Variants in KIAA1328 observed in about 807,000 individuals in gnomAD.
KIAA1328 encodes the protein protein hinderin.
Under a neutral mutation model 68.1 loss-of-function variants are expected in KIAA1328, and 52 were observed. The observed-to-expected ratio is 0.76, with a 90% confidence interval of 0.61 to 0.96. The LOEUF (loss-of-function observed/expected upper bound fraction) is 0.96, where lower values mean the gene tolerates loss of function less well. Among genes scored for constraint, KIAA1328 ranks in the 40% least tolerant of loss-of-function variants. KIAA1328 has a pLI of 0.00. For synonymous variants in KIAA1328, 232 were observed against 239.4 expected (o/e 0.97, Z 0.28); for missense variants, 641 against 677.6 (o/e 0.95, Z 0.60).
At chr18:36,979,209 GA>G (rs765282919) in intron 6 of KIAA1328, among the ~76,000 whole-genome samples, 1 of 28,544 alleles carries the variant, frequency 3.5e-5, no homozygotes, top group Non-Finnish European at 1.4e-4. Flanking sequence ...AAAATAAAAA[GA>G]AAGAAGGTTA....
intron 6 of KIAA1328, among the ~76,000 whole-genome samples, chr18:36,975,864 C>T (rs925866686): frequency 5.9e-5 from 9 of 152,096 alleles, no homozygotes; most frequent in Non-Finnish European, 1.3e-4. Flanking sequence ...TATTTTTCCT[C>T]CTCTATAGTT....
chr18:37,046,416 T>C (rs1326477570), intron 6 of KIAA1328, among the ~76,000 whole-genome samples: 2 of 152,198 alleles, frequency 1.3e-5, no homozygotes, highest in Non-Finnish European at 2.9e-5. Flanking sequence ...GGTTCTCTCT[T>C]TCTTGGTAAG....
intron 5 of KIAA1328, among the ~76,000 whole-genome samples, chr18:36,904,516 A>G (rs986780297): frequency 1.3e-5 from 2 of 152,118 alleles, no homozygotes; most frequent in Non-Finnish European, 2.9e-5. Context: ...CCTAAAATCT[A>G]CATTACCTAA....
chr18:36,851,464 C>T (rs984022451), intron 4 of KIAA1328, among the ~76,000 whole-genome samples: 4 of 151,230 alleles, frequency 2.6e-5, no homozygotes, highest in Admixed American at 2.0e-4. Flanking sequence ...ATTTTGATTA[C>T]TGATTCAATC....
At chr18:37,004,781 C>G (rs1177300686) in intron 6 of KIAA1328, among the ~76,000 whole-genome samples, 1 of 152,052 alleles carries the variant, frequency 6.6e-6, no homozygotes, top group African/African-American at 2.4e-5. Context: ...AGTCATTATA[C>G]AAAAAAGATA....
chr18:36,958,511 T>C (rs1043329262), intron 5 of KIAA1328, among the ~76,000 whole-genome samples: 1 of 152,162 alleles, frequency 6.6e-6, no homozygotes, highest in African/African-American at 2.4e-5. Flanking sequence ...CAGTGCTTGT[T>C]TGTCTTTTTG....
At position 37,172,954 on chromosome 18, in the gene KIAA1328, T is replaced by C; in HGVS notation, c.1415-19T>C. ...TCTTTTACTGAATGCCCAAATTATT[T>C]TCTTTATTTTTCATATAGGGACAGT... On this transcript the variant is annotated intron_variant, in intron 8 of 9. Coordinates refer to ENST00000280020, the MANE Select transcript of KIAA1328 (RefSeq NM_020776.3). 6.4e-7 allele frequency: 1 copy of C among 1,565,428 alleles called. No individual in the cohort carries two copies. Among genetic ancestry groups the C allele is most frequent in the Non-Finnish European group, 8.7e-7 (1 of 1,146,192 alleles).
intron 7 of KIAA1328, among the ~76,000 whole-genome samples, chr18:37,092,827 G>C (rs551352314): frequency 6.6e-6 from 1 of 152,268 alleles, no homozygotes; most frequent in South Asian, 2.1e-4. Flanking sequence ...GGACCTGTCT[G>C]CCTGCCCAAA....
chr18:37,084,434 G>C lies in KIAA1328; in HGVS notation c.1232+16889G>C, dbSNP rs528345058. 9 of 284,234 alleles carry C rather than the reference G, an allele frequency of 3.2e-5. No individual in the cohort carries two copies. The East Asian group carries it at 5.1e-4, about 16-fold the overall frequency. 17.6% of individuals were successfully genotyped at this position (284,234 alleles called of 1,614,324 possible). A position where few individuals can be genotyped will look rare whatever the true frequency, so the allele number is the denominator to read the frequency against. On this transcript the variant is annotated intron_variant, in intron 7 of 9. Transcript: ENST00000280020. The stretch of plus-strand genomic sequence containing the variant: ...CATTCATAATCCTACAACTTTGAGA[G>C]AATCTTTTGAGCCCTTTTCTACTAT...
chr18:36,941,993 A>G (rs1357744315), intron 5 of KIAA1328, among the ~76,000 whole-genome samples: 1 of 152,252 alleles, frequency 6.6e-6, no homozygotes, highest in African/African-American at 2.4e-5. Flanking sequence ...AAATTCATAA[A>G]TACTACAATA....
At chr18:37,037,170 TA>T (rs1213110235) in intron 6 of KIAA1328, among the ~76,000 whole-genome samples, 1 of 151,884 alleles carries the variant, frequency 6.6e-6, no homozygotes, top group Non-Finnish European at 1.5e-5. Flanking sequence ...GGGATTTGTA[TA>T]AAAAAATCTT....
chr18:37,071,303 G>A (rs2056524833), intron 7 of KIAA1328, among the ~76,000 whole-genome samples: 1 of 151,664 alleles, frequency 6.6e-6, no homozygotes, highest in Non-Finnish European at 1.5e-5. Flanking sequence ...GAGCTCCTGG[G>A]CTCAAGCAAT....
At chr18:37,101,442 T>TG (rs1568406871) in intron 7 of KIAA1328, among the ~76,000 whole-genome samples, 1 of 151,928 alleles carries the variant, frequency 6.6e-6, no homozygotes, top group Non-Finnish European at 1.5e-5. Context: ...ATGAATGAAA[T>TG]GAAGCGAGAA....
intron 4 of KIAA1328, among the ~76,000 whole-genome samples, chr18:36,871,371 T>TATCA (rs1216928059): frequency 6.6e-6 from 1 of 152,190 alleles, no homozygotes; most frequent in Admixed American, 6.5e-5. Context: ...CAATAGGTCA[T>TATCA]ATCAGGGGCT....
intron 5 of KIAA1328, among the ~76,000 whole-genome samples, chr18:36,953,322 A>G (rs2051244232): frequency 6.8e-6 from 1 of 147,596 alleles, no homozygotes; most frequent in East Asian, 2.0e-4. Flanking sequence ...TTTATATTAT[A>G]TAAAAATACA....
chr18:36,880,820 A>G (rs922070974), intron 4 of KIAA1328, among the ~76,000 whole-genome samples: 12 of 152,148 alleles, frequency 7.9e-5, no homozygotes, highest in African/African-American at 2.9e-4. Flanking sequence ...CTTTTCTGCT[A>G]TTATAGATGA....
intron 6 of KIAA1328, among the ~76,000 whole-genome samples, chr18:36,963,309 C>T (rs550260659): frequency 4.3e-4 from 65 of 152,164 alleles, no homozygotes; most frequent in South Asian, 1.5e-3. Context: ...TTTGGTTTTG[C>T]GTTTCTATTT....
At chr18:36,915,889 AG>A (rs1417873741) in intron 5 of KIAA1328, among the ~76,000 whole-genome samples, 1 of 152,220 alleles carries the variant, frequency 6.6e-6, no homozygotes, top group Non-Finnish European at 1.5e-5. Context: ...ACATGTATAT[AG>A]CAGCACTATG....
At chr18:36,952,996 C>G (rs1378503977) in intron 5 of KIAA1328, among the ~76,000 whole-genome samples, 1 of 148,950 alleles carries the variant, frequency 6.7e-6, no homozygotes, top group Admixed American at 6.7e-5. Flanking sequence ...CAACAAAAAC[C>G]AAAACCAAAA....
Sources: gnomAD v4.1 joint callset for allele counts (sites outside exome capture counted in the v4.1 genomes callset) on GRCh38, gnomAD v4.1.1 for gene constraint, MANE v1.5 for transcripts, NCBI Gene and HGNC (gene_info 2026-07-23, HGNC 2026-07-21) for gene names.